DYNC2H1: variants seen among roughly 807,000 people sequenced by gnomAD.
DYNC2H1 encodes the protein cytoplasmic dynein 2 heavy chain 1.
A neutral mutation model predicts 570.0 loss-of-function variants in DYNC2H1; 410 were observed. That is an observed-to-expected ratio of 0.72 (90% CI 0.66 to 0.78). The LOEUF (loss-of-function observed/expected upper bound fraction) is 0.78, where lower values mean the gene tolerates loss of function less well. Among genes scored for constraint, DYNC2H1 ranks in the 30% least tolerant of loss-of-function variants. The pLI, the probability that DYNC2H1 is intolerant of heterozygous loss-of-function variation, is 0.00. For missense variants in DYNC2H1, 4,865 were observed against 5,046.4 expected, an observed-to-expected ratio of 0.96 and a Z score of 1.09; for synonymous variants, 1,688 against 1,677.6, an observed-to-expected ratio of 1.01 and a Z score of -0.15.
rs892568540 is a variant in DYNC2H1, at chr11:103,194,203, C to G, written c.7708+1939C>G. On this transcript the variant is annotated intron_variant, in intron 47 of 88. Transcript: ENST00000375735. ...TGTCACTTCAAGAAAGTTATCTTGA[C>G]TCAACCTGTTTCTCTGGAGATACAT... is the stretch of plus-strand genomic sequence containing the variant. 3.5e-5 allele frequency among the ~76,000 whole-genome samples: 5 copies of G among 141,370 alleles called. No individual in the cohort carries two copies. The South Asian group carries it at 1.0e-3, about 29-fold the overall frequency. The allele number at this position is 141,370 out of a possible 152,430, so 92.7% of individuals were successfully genotyped here. A position where few individuals can be genotyped will look rare whatever the true frequency, so the allele number is the denominator to read the frequency against.
At chr11:103,238,716 T>G (rs1198639730) in intron 63 of DYNC2H1, among the ~76,000 whole-genome samples, 3 of 152,206 alleles carry the variant, frequency 2.0e-5, no homozygotes, top group Non-Finnish European at 2.9e-5. Flanking sequence ...ATGCTTAAAA[T>G]TCTCATATTT....
chr11:103,225,748 C>A (rs1277149002), intron 59 of DYNC2H1, among the ~76,000 whole-genome samples: 5 of 151,890 alleles, frequency 3.3e-5, no homozygotes, highest in African/African-American at 4.8e-5. Context: ...TTTTTTGGTT[C>A]CATATGAATT....
At position 103,256,496 on chromosome 11, in the gene DYNC2H1, T is replaced by C. The variant is rs1007073736; in HGVS notation, c.10461+256T>C. Among the ~76,000 whole-genome samples the C allele has an allele frequency of 6.6e-6, 1 of 152,184 alleles. No homozygotes were observed. The highest frequency in any genetic ancestry group is 2.4e-5 in the African/African-American group (1 of 41,448). ...ATTTCTGGCATAATGTTATCTAAGG[T>C]AGAGCTGCAGTTTTGTACTAAAATT... On this transcript the variant is annotated intron_variant, in intron 68 of 88. Coordinates refer to ENST00000375735, the MANE Select transcript of DYNC2H1 (RefSeq NM_001377.3). The surrounding 1 kb of genome is among the most constrained non-coding windows in gnomAD (Gnocchi z 4.0).
In DYNC2H1 at chr11:103,316,824, G is replaced by A. The variant is rs7102777; in HGVS notation, c.11725+204G>A. On this transcript the variant is annotated intron_variant, in intron 80 of 88. Transcript: ENST00000375735. ...TTTTTACATGGATTCTTCTTTCTGG[G>A]AGCAGAAGTCTAGAAAGACCTTGTT... Among the ~76,000 whole-genome samples the A allele has an allele frequency of 0.17, 25,189 of 151,874 alleles. 2,270 individuals carry two copies. The highest frequency in any genetic ancestry group is 0.25 in the Admixed American group (3,860 of 15,232).
At chr11:103,417,242 G>C (rs1379816477) in intron 84 of DYNC2H1, among the ~76,000 whole-genome samples, 5 of 152,012 alleles carry the variant, frequency 3.3e-5, no homozygotes, top group Admixed American at 1.3e-4. Flanking sequence ...ACCACACCCA[G>C]CTAATTTTTA....
Position 103,305,360 on chromosome 11 carries a change from T to C in DYNC2H1, c.11382+640T>C, listed in dbSNP as rs1322188531. 2.0e-5 allele frequency among the ~76,000 whole-genome samples: 3 copies of C among 152,094 alleles called. No individual in the cohort carries two copies. Among genetic ancestry groups the C allele is most frequent in the Admixed American group, 1.3e-4 (2 of 15,260 alleles). ...TCCATCAGCACAAGTAGAGATAGTG[T>C]TGGGGATGTCCACCCCTAGTACAAG... On this transcript the variant is annotated intron_variant, in intron 77 of 88. Coordinates refer to ENST00000375735, the MANE Select transcript of DYNC2H1 (RefSeq NM_001377.3). This position sits in a 1 kb window ranked among gnomAD's most constrained non-coding sequence, Gnocchi z 4.3.
rs763878649 is a variant in DYNC2H1, at chr11:103,395,293, T to C, written c.12157-4370T>C. Among the ~76,000 whole-genome samples, 1 of 152,026 alleles carries C rather than the reference T, an allele frequency of 6.6e-6. No homozygotes were observed. The highest frequency in any genetic ancestry group is 2.1e-4 in the South Asian group (1 of 4,828). The stretch of plus-strand genomic sequence containing the variant: ...TTTTTCATAGCTTGTTTCAAGAAAC[T>C]TGCAAGAATGTCATGAGGACCCAGT... On this transcript the variant is annotated intron_variant, in intron 83 of 88. Transcript: ENST00000375735. This position sits in a 1 kb window ranked among gnomAD's most constrained non-coding sequence, Gnocchi z 4.3.
At chr11:103,230,967 T>A (rs1402909226) in intron 59 of DYNC2H1, among the ~76,000 whole-genome samples, 4 of 152,170 alleles carry the variant, frequency 2.6e-5, no homozygotes, top group Non-Finnish European at 5.9e-5. Flanking sequence ...TGGCTTCATT[T>A]TAGTAGGGTT....
At chr11:103,148,080 G>A (rs1393574045) in intron 19 of DYNC2H1, among the ~76,000 whole-genome samples, 193 bp downstream of exon 19, 1 of 152,122 alleles carries the variant, frequency 6.6e-6, no homozygotes, top group Non-Finnish European at 1.5e-5. Flanking sequence ...GTCTGAGCTA[G>A]TATTAGATTG....
At chr11:103,391,862 T>C (rs1479600762) in intron 83 of DYNC2H1, among the ~76,000 whole-genome samples, 1 of 152,194 alleles carries the variant, frequency 6.6e-6, no homozygotes, top group Non-Finnish European at 1.5e-5. Flanking sequence ...CTGGAAGCTT[T>C]GTCTCAGAGG....
chr11:103,115,256 A>T lies in DYNC2H1; in HGVS notation c.582A>T (p.Arg194Ser). 1 of 1,604,940 alleles carries T rather than the reference A, an allele frequency of 6.2e-7. No individual in the cohort carries two copies. The highest frequency in any genetic ancestry group is 8.5e-7 in the Non-Finnish European group (1 of 1,175,372). Residue 194 changes from arginine to serine, a missense_variant, in exon 4 of 89, where the codon AGA becomes AGT. Physicochemically the swap from Arg to Ser is moderately radical, Grantham distance 110. Around this residue, in one of 5 missense-constraint regions of DYNC2H1, gnomAD observed 1,936 missense variants for 1,962.1 expected, o/e 0.99. Transcript: ENST00000375735. ...GAAATAAACAGATTAGTAAAGAAAG[A>T]GCCAATTATTTTAAAGAATTATTTG... ...HRGNKQISKE[R>S]ANYFKELFET...
At chr11:103,282,143 T>G in intron 71 of DYNC2H1, 36 bp from the exon 72 acceptor site, 1 of 1,588,160 alleles carries the variant, frequency 6.3e-7, no homozygotes, top group Non-Finnish European at 8.6e-7. Flanking sequence ...GGTTATCATT[T>G]TTATATTTTT....
intron 45 of DYNC2H1, among the ~76,000 whole-genome samples, chr11:103,190,151 C>T (rs938892386): frequency 4.6e-5 from 7 of 152,142 alleles, no homozygotes; most frequent in Non-Finnish European, 8.8e-5. Context: ...TTGTGTCTTC[C>T]AGGCTTCAAA....
rs1865589093 is a variant in DYNC2H1 at position 103,268,494 on chromosome 11, A to ATT, written c.10695+8517_10695+8518insTT. Among the ~76,000 whole-genome samples, 1 of 151,922 alleles carries ATT rather than the reference A, an allele frequency of 6.6e-6. No homozygotes were observed. Among genetic ancestry groups the ATT allele is most frequent in the Non-Finnish European group, 1.5e-5 (1 of 67,858 alleles). ...ACTTCTAGGTTGTTAGATTTGTATG[A>ATT]GTAGTTTTTTTAAATGTAGTTTTAA... On this transcript the variant is annotated intron_variant, in intron 70 of 88. Transcript: ENST00000375735. The surrounding 1 kb of genome is among the most constrained non-coding windows in gnomAD (Gnocchi z 4.6).
intron 59 of DYNC2H1, among the ~76,000 whole-genome samples, chr11:103,223,611 C>T (rs540819441): frequency 6.6e-6 from 1 of 152,008 alleles, no homozygotes; most frequent in African/African-American, 2.4e-5. Flanking sequence ...GTCTTGAACT[C>T]CTGACCTCAG....
At chr11:103,303,624 A>G (rs529697512) in intron 76 of DYNC2H1, among the ~76,000 whole-genome samples, 5 of 152,256 alleles carry the variant, frequency 3.3e-5, no homozygotes, top group South Asian at 2.1e-4. Flanking sequence ...GGAACGGGCC[A>G]TAAGGAAAGA....
chr11:103,246,478 C>A (rs932158403), intron 65 of DYNC2H1, among the ~76,000 whole-genome samples: 4 of 151,832 alleles, frequency 2.6e-5, no homozygotes, highest in Non-Finnish European at 5.9e-5. Flanking sequence ...TGACTAGATC[C>A]CCTGAAAAGA....
chr11:103,211,989 C>T (rs1565399781), intron 54 of DYNC2H1, 46 bp downstream of exon 54: 1 of 1,386,626 alleles, frequency 7.2e-7, no homozygotes, highest in Admixed American at 3.0e-5. Context: ...ATATAGGAAA[C>T]AAGAGTTTTG....
chr11:103,313,300 G>C (rs755471512), intron 79 of DYNC2H1, among the ~76,000 whole-genome samples: 1 of 152,072 alleles, frequency 6.6e-6, no homozygotes. Flanking sequence ...TCTCACCAAA[G>C]GCTCTCTATC....
Sources: allele counts gnomAD v4.1 joint callset (sites outside exome capture counted in the v4.1 genomes callset), GRCh38; gene constraint gnomAD v4.1.1; regional missense constraint gnomAD v4.1.1; non-coding constraint Gnocchi (gnomAD v3.1); transcripts MANE v1.5; gene names NCBI Gene and HGNC (gene_info 2026-07-23, HGNC 2026-07-21).